ANLN: variants seen among roughly 807,000 people sequenced by gnomAD.
The protein encoded by ANLN is anillin, actin binding protein.
Under a neutral mutation model 135.1 loss-of-function variants are expected in ANLN, and 59 were observed. The observed-to-expected ratio is 0.44, with a 90% confidence interval of 0.35 to 0.54. The LOEUF is 0.54. Among genes scored for constraint, ANLN ranks in the 20% least tolerant of loss-of-function variants. The pLI, the probability that ANLN is intolerant of heterozygous loss-of-function variation, is 0.00. For missense variants in ANLN, 1,182 were observed against 1,340.0 expected (o/e 0.88, Z 1.84); for synonymous variants, 406 against 456.4 (o/e 0.89, Z 1.41).
At chr7:36,417,039 T>G (rs765111404) in intron 8 of ANLN, 41 bp from the exon 9 acceptor site, 1 of 1,074,152 alleles carries the variant, frequency 9.3e-7, no homozygotes, top group South Asian at 1.5e-5. Context: ...AAATTATAGG[T>G]TCTTATATAT....
intron 20 of ANLN, among the ~76,000 whole-genome samples, chr7:36,429,628 T>G (rs1475537992): frequency 6.6e-6 from 1 of 152,192 alleles, no homozygotes; most frequent in Non-Finnish European, 1.5e-5. Flanking sequence ...TTTAAATTCT[T>G]AAAATAGGAT....
At chr7:36,402,403 G>A (rs561315575) in intron 3 of ANLN, among the ~76,000 whole-genome samples, 166 of 152,188 alleles carry the variant, frequency 1.1e-3, no homozygotes, top group Non-Finnish European at 1.9e-3. Context: ...GTGAGCCACC[G>A]TGTCCTGCCT....
At position 36,453,415 on chromosome 7, in the gene ANLN, T is replaced by G. The variant is rs975413392; in HGVS notation, c.*815T>G. 1.3e-5 allele frequency: 2 copies of G among 152,254 alleles called. No individual in the cohort carries two copies. The highest frequency in any genetic ancestry group is 2.9e-5 in the Non-Finnish European group (2 of 68,048). 9.4% of individuals were successfully genotyped at this position (152,254 alleles called of 1,614,324 possible). A position where few individuals can be genotyped will look rare whatever the true frequency, so the allele number is the denominator to read the frequency against. On this transcript the variant is annotated 3_prime_UTR_variant, in exon 24 of 24. Transcript: ENST00000265748. ...AAAAAGTAAACTGTTATGAAGCTGC[T>G]ATGTACTAATAATACTTTGCTTGCC...
In ANLN at chr7:36,417,176, T is replaced by C; in HGVS notation, c.1619T>C (p.Val540Ala). Residue 540 changes from valine (V) to alanine (A), a missense_variant, in exon 9 of 24, where the codon GTT (valine) becomes GCT (alanine). Val to Ala is a moderately conservative substitution (Grantham distance 64, BLOSUM62 0). This residue lies in a region of ANLN where 1,022 missense variants were observed against 1,134.0 expected (regional missense o/e 0.90). Coordinates refer to ENST00000265748, the MANE Select transcript of ANLN (RefSeq NM_018685.5). ...KSLKVTSDPKVEQKIEVIREI... is the reference protein window; with the variant it reads ...KSLKVTSDPKAEQKIEVIREI... ...TTAAAAGTAACATCAGACCCAAAGG[T>C]TGAGCAGAAAATTGGTTGGTTTTTA... The C allele has an allele frequency of 1.9e-6, 3 of 1,595,918 alleles. No homozygotes were observed. Among genetic ancestry groups the C allele is most frequent in the South Asian group, 2.3e-5 (2 of 87,262 alleles).
At chr7:36,419,534 G>GT (rs1431972501) in intron 10 of ANLN, 55 bp downstream of exon 10, 1 of 1,423,328 alleles carries the variant, frequency 7.0e-7, no homozygotes, top group Non-Finnish European at 9.7e-7. Flanking sequence ...AGTAGTATTC[G>GT]TATCTCCCCT....
At chr7:36,435,930 G>A (rs1286777134) in intron 20 of ANLN, among the ~76,000 whole-genome samples, 1 of 137,218 alleles carries the variant, frequency 7.3e-6, no homozygotes, top group African/African-American at 2.7e-5. Flanking sequence ...GTTTATGTTA[G>A]TAGTTCATTG....
Position 36,422,791 on chromosome 7 carries a change from A to T in ANLN, c.2458A>T (p.Ser820Cys). Residue 820 changes from serine (S) to cysteine (C), a missense_variant, in exon 14 of 24, where the codon AGT (serine) becomes TGT (cysteine). Around this residue, in one of 3 missense-constraint regions of ANLN, gnomAD observed 1,022 missense variants for 1,134.0 expected, o/e 0.90. Transcript: ENST00000265748. ...RLPLKADFVC[S>C]TVQKPDAANY... Reference sequence around the variant, plus strand: ...GCCTCTAAAAGCAGATTTTGTCTGCAGTACGGTTCAGAAACCAGGTATGGT... The same window carrying T: ...GCCTCTAAAAGCAGATTTTGTCTGCTGTACGGTTCAGAAACCAGGTATGGT... The T allele has an allele frequency of 6.2e-7, 1 of 1,604,384 alleles. No homozygotes were observed. Among genetic ancestry groups the T allele is most frequent in the South Asian group, 1.1e-5 (1 of 88,816 alleles).
At chr7:36,397,860 G>A (rs1786770642) in intron 2 of ANLN, among the ~76,000 whole-genome samples, 1 of 152,132 alleles carries the variant, frequency 6.6e-6, no homozygotes, top group Admixed American at 6.5e-5. Flanking sequence ...ACAGTGAGCT[G>A]AGATTGCACC....
chr7:36,392,085 G>A (rs1257316428), intron 1 of ANLN, among the ~76,000 whole-genome samples: 1 of 152,110 alleles, frequency 6.6e-6, no homozygotes, highest in East Asian at 1.9e-4. Context: ...GAAACCCAGA[G>A]TGAAGTGTAC....
chr7:36,420,831 T>C (rs947181567), intron 12 of ANLN, 87 bp downstream of exon 12: 17 of 1,414,574 alleles, frequency 1.2e-5, no homozygotes, highest in Non-Finnish European at 1.7e-5. Context: ...GCCTTACTTA[T>C]CTCTGAACCC....
rs763761923 is a variant in ANLN, at chr7:36,411,077, G to A, written c.1306G>A (p.Ala436Thr). The change falls in exon 7 of 24, where the codon GCA (alanine) becomes ACA (threonine). Residue 436 changes from alanine (A) to threonine (T), a missense_variant. Coordinates refer to ENST00000265748, the MANE Select transcript of ANLN (RefSeq NM_018685.5). ...GGTTTAGGAACGTCAAAAAGAACTA[G>A]CATGTCTTCGTGGCCGATTTGACAA... ...QLKQERQKEL[A>T]CLRGRFDKGN... is the part of the protein sequence containing the mutation. 1 of 1,608,096 alleles carries A rather than the reference G, an allele frequency of 6.2e-7. No homozygotes were observed. Among genetic ancestry groups the A allele is most frequent in the Non-Finnish European group, 8.5e-7 (1 of 1,178,794 alleles).
rs1200159610 is a variant in ANLN at position 36,411,083 on chromosome 7, C to G, written c.1312C>G (p.Leu438Val). 1 of 1,609,252 alleles carries G rather than the reference C, an allele frequency of 6.2e-7. No individual in the cohort carries two copies. The change falls in exon 7 of 24, where the codon CTT becomes GTT. Residue 438 changes from leucine (L) to valine (V), a missense_variant. Leu to Val is a conservative substitution (Grantham distance 32). Coordinates refer to ENST00000265748, the MANE Select transcript of ANLN (RefSeq NM_018685.5). ...GGAACGTCAAAAAGAACTAGCATGT[C>G]TTCGTGGCCGATTTGACAAGGGCAA... ...KQERQKELAC[L>V]RGRFDKGNIW... is the part of the protein sequence containing the mutation.
At chr7:36,390,301 A>C in intron 1 of ANLN, 1 of 549,624 alleles carries the variant, frequency 1.8e-6, no homozygotes, top group Non-Finnish European at 3.2e-6. Context: ...CTGTTGCGAG[A>C]GGTCTTTCAG....
At chr7:36,390,711 T>C (rs1365068346) in intron 1 of ANLN, among the ~76,000 whole-genome samples, 1 of 152,212 alleles carries the variant, frequency 6.6e-6, no homozygotes, top group East Asian at 1.9e-4. Flanking sequence ...AGAAATAAAC[T>C]TTTCGGTGTT....
chr7:36,419,809 T>C (rs138864618), intron 10 of ANLN, among the ~76,000 whole-genome samples: 1 of 152,328 alleles, frequency 6.6e-6, no homozygotes, highest in African/African-American at 2.4e-5. Context: ...TAATAATACC[T>C]ATATAGTGGA....
At chr7:36,408,002 A>T (rs1787263720) in intron 5 of ANLN, 46 bp downstream of exon 5, 2 of 1,397,996 alleles carry the variant, frequency 1.4e-6, no homozygotes, top group South Asian at 1.2e-5. Context: ...TATATTCAGG[A>T]TATCTATTCT....
chr7:36,431,610 TATATATA>T (rs1482262321), intron 20 of ANLN, among the ~76,000 whole-genome samples: 1,099 of 36,216 alleles, frequency 0.03, 10 homozygotes, highest in Middle Eastern at 0.074. Flanking sequence ...TATATATATA[TATATATA>T]ATATATATAT....
chr7:36,430,574 T>C (rs758311099), intron 20 of ANLN, among the ~76,000 whole-genome samples: 4 of 152,226 alleles, frequency 2.6e-5, no homozygotes, highest in Non-Finnish European at 5.9e-5. Context: ...ACCTCATAGG[T>C]ATTTATACCT....
At chr7:36,403,149 G>T (rs7780599) in intron 3 of ANLN, among the ~76,000 whole-genome samples, 26,103 of 151,874 alleles carry the variant, frequency 0.17, 2,457 homozygotes, top group East Asian at 0.41. Flanking sequence ...TATAATCTAG[G>T]TGCAAAGAGT....
Sources: gnomAD v4.1 joint callset for allele counts (sites outside exome capture counted in the v4.1 genomes callset) on GRCh38, gnomAD v4.1.1 for gene constraint, gnomAD v4.1.1 regional missense constraint, MANE v1.5 for transcripts, NCBI Gene and HGNC (gene_info 2026-07-23, HGNC 2026-07-21) for gene names.